Variants in RHOH observed in about 807,000 individuals in gnomAD.
RHOH encodes ras homolog family member H, also known as rho-related GTP-binding protein RhoH.
Under a neutral mutation model 13.8 loss-of-function variants are expected in RHOH, and 6 were observed. That is an observed-to-expected ratio of 0.44 (90% CI 0.24 to 0.86). RHOH has a LOEUF of 0.86. Ranked by LOEUF, RHOH falls within the 40% of genes least tolerant of loss-of-function variation. The pLI is 0.24. For missense variants in RHOH, 147 were observed against 244.5 expected, an observed-to-expected ratio of 0.60 and a Z score of 2.66; for synonymous variants, 117 against 103.0, an observed-to-expected ratio of 1.14 and a Z score of -0.82.
chr4:40,241,792 A>G (rs1457924551), intron 1 of RHOH, among the ~76,000 whole-genome samples: 2 of 152,144 alleles, frequency 1.3e-5, no homozygotes, highest in Non-Finnish European at 2.9e-5. Context: ...CGGGAGGCTG[A>G]GGTGGGAGGA....
intron 1 of RHOH, among the ~76,000 whole-genome samples, chr4:40,229,321 T>C (rs1023393687): frequency 2.6e-5 from 4 of 152,150 alleles, no homozygotes; most frequent in Admixed American, 2.6e-4. Flanking sequence ...ATTTTCTCTA[T>C]AACCAGAGAG....
chr4:40,207,594 A>G (rs1724792968), intron 1 of RHOH, among the ~76,000 whole-genome samples: 1 of 152,232 alleles, frequency 6.6e-6, no homozygotes, highest in South Asian at 2.1e-4. Context: ...ACCAGGAAAG[A>G]CCCATCACAC....
In RHOH at chr4:40,234,744, C is replaced by CT. The variant is rs549802852; in HGVS notation, c.-330-7944dup. Among the ~76,000 whole-genome samples the CT allele has an allele frequency of 8.6e-3, 870 of 101,076 alleles. 61 individuals are homozygous for CT. The highest frequency in any genetic ancestry group is 0.018 in the African/African-American group (468 of 25,636). 66.3% of individuals were successfully genotyped at this position (101,076 alleles called of 152,430 possible). ...TATGTTAAAAGTTGCAAATCAGCAT[C>CT]TTTTTTTTTTTTTTTTTTTTTTTTT... On this transcript the variant is annotated intron_variant, in intron 1 of 2. Coordinates refer to ENST00000381799, the MANE Select transcript of RHOH (RefSeq NM_004310.5).
At chr4:40,228,311 G>A (rs1262882773) in intron 1 of RHOH, among the ~76,000 whole-genome samples, 3 of 152,012 alleles carry the variant, frequency 2.0e-5, no homozygotes, top group Admixed American at 1.3e-4. Flanking sequence ...TACAGCTTTT[G>A]GTTCTAGGTG....
upstream of RHOH, chr4:40,191,080 C>T (rs1722692470): frequency 6.6e-6 from 1 of 152,180 alleles, no homozygotes; most frequent in Non-Finnish European, 1.5e-5. Context: ...TGATCACCTT[C>T]TTCTTCACTC....
chr4:40,225,603 G>T (rs1727127376), intron 1 of RHOH, among the ~76,000 whole-genome samples: 1 of 152,186 alleles, frequency 6.6e-6, no homozygotes, highest in Non-Finnish European at 1.5e-5. Context: ...CTGCAAAGAT[G>T]GTGGTCTTCT....
In RHOH at chr4:40,197,105, A is replaced by G. The variant is rs1490277130; in HGVS notation, c.-526A>G. ...TTGGGGTGGACTCCCTGCCAGCCCA[A>G]CTGTTGTATTTTCAGTTCTTCCAGT... On this transcript the variant is annotated 5_prime_UTR_variant, in exon 1 of 3. Transcript: ENST00000381799. The G allele has an allele frequency of 6.6e-6, 1 of 152,110 alleles. No homozygotes were observed. The highest frequency in any genetic ancestry group is 2.4e-5 in the African/African-American group (1 of 41,416). The allele number at this position is 152,110 out of a possible 1,614,324, so 9.4% of individuals were successfully genotyped here.
At chr4:40,213,372 T>TC (rs1553934305) in intron 1 of RHOH, among the ~76,000 whole-genome samples, 58 of 147,778 alleles carry the variant, frequency 3.9e-4, no homozygotes, top group Middle Eastern at 3.5e-3. Context: ...TTTTTTTTTT[T>TC]TCTCTCTCTC....
intron 1 of RHOH, among the ~76,000 whole-genome samples, chr4:40,219,987 G>C (rs1204878970): frequency 6.6e-6 from 1 of 152,218 alleles, no homozygotes; most frequent in African/African-American, 2.4e-5. Flanking sequence ...AACTGCATTG[G>C]CTAGGTAAAG....
chr4:40,238,566 C>CT (rs1298945262), intron 1 of RHOH, among the ~76,000 whole-genome samples: 1 of 152,210 alleles, frequency 6.6e-6, no homozygotes, highest in Non-Finnish European at 1.5e-5. Flanking sequence ...CTTCCCTCCT[C>CT]TGTCTCTGTG....
chr4:40,209,687 C>T (rs1355891287), intron 1 of RHOH: 2 of 152,236 alleles, frequency 1.3e-5, no homozygotes, highest in Non-Finnish European at 2.9e-5. Context: ...GCATATTCAC[C>T]CACCTCGGCC....
intron 1 of RHOH, among the ~76,000 whole-genome samples, chr4:40,234,274 C>T (rs1247788947): frequency 6.6e-6 from 1 of 152,172 alleles, no homozygotes; most frequent in East Asian, 1.9e-4. Context: ...CCCTCAACTC[C>T]AAGCAGTTTT....
chr4:40,202,246 A>G (rs912357604), intron 1 of RHOH, among the ~76,000 whole-genome samples: 5 of 152,118 alleles, frequency 3.3e-5, no homozygotes, highest in African/African-American at 1.2e-4. Context: ...CGCACAGCCC[A>G]TGGGTTCTTT....
intron 1 of RHOH, among the ~76,000 whole-genome samples, chr4:40,211,032 C>T (rs774211415): frequency 8.5e-5 from 13 of 152,084 alleles, no homozygotes; most frequent in African/African-American, 2.4e-4. Flanking sequence ...ACTAACAATG[C>T]GTGCCGTAGA....
In RHOH at chr4:40,218,865, TCAC is replaced by T. The variant is rs956988313; in HGVS notation, c.-331+21569_-331+21571del. Among the ~76,000 whole-genome samples, 10 of 152,182 alleles carry T rather than the reference TCAC, an allele frequency of 6.6e-5. No homozygotes were observed. The highest frequency in any genetic ancestry group is 1.5e-4 in the Non-Finnish European group (10 of 68,034). Reference sequence around the variant, plus strand: ...CCTGATGGTCAGTCCAGGGCTCTGATCACCACAAGCTGCCTCTATATACAGTAT... The same window carrying T: ...CCTGATGGTCAGTCCAGGGCTCTGATCACAAGCTGCCTCTATATACAGTAT... On this transcript the variant is annotated intron_variant, in intron 1 of 2. Coordinates refer to ENST00000381799, the MANE Select transcript of RHOH (RefSeq NM_004310.5). The surrounding 1 kb of genome is among the most constrained non-coding windows in gnomAD (Gnocchi z 4.1).
Position 40,218,094 on chromosome 4 carries a change from T to C in RHOH, c.-331+20794T>C, listed in dbSNP as rs191342698. 2.0e-5 allele frequency: 3 copies of C among 152,218 alleles called. No individual in the cohort carries two copies. The East Asian group carries it at 5.8e-4, about 29-fold the overall frequency. The allele number at this position is 152,218 out of a possible 1,614,324, so 9.4% of individuals were successfully genotyped here. ...AAACTTCTGTCCTTGGTATGAACAT[T>C]TGGGAGGCAAGTGAGTGATAATGAC... is the stretch of plus-strand genomic sequence containing the variant. On this transcript the variant is annotated intron_variant, in intron 1 of 2. Coordinates refer to ENST00000381799, the MANE Select transcript of RHOH (RefSeq NM_004310.5). This position sits in a 1 kb window ranked among gnomAD's most constrained non-coding sequence, Gnocchi z 4.1.
intron 1 of RHOH, among the ~76,000 whole-genome samples, chr4:40,223,804 C>T (rs768927829): frequency 8.7e-6 from 1 of 115,120 alleles, no homozygotes. Context: ...TGGAGTTTCG[C>T]TCTTGTTGCC....
At chr4:40,238,460 T>C (rs1380180391) in intron 1 of RHOH, among the ~76,000 whole-genome samples, 1 of 152,174 alleles carries the variant, frequency 6.6e-6, no homozygotes, top group Non-Finnish European at 1.5e-5. Flanking sequence ...GGTTAGGATG[T>C]CTCTTCCCCT....
intron 1 of RHOH, chr4:40,235,485 G>A (rs1019195611): frequency 3.3e-5 from 5 of 151,556 alleles, no homozygotes; most frequent in African/African-American, 1.2e-4. Flanking sequence ...AGCTACTCGG[G>A]AGGCTGAGGC....
Sources: allele counts gnomAD v4.1 joint callset (sites outside exome capture counted in the v4.1 genomes callset), GRCh38; gene constraint gnomAD v4.1.1; non-coding constraint Gnocchi (gnomAD v3.1); transcripts MANE v1.5; gene names NCBI Gene and HGNC (gene_info 2026-07-23, HGNC 2026-07-21).